Variants in SORCS3 observed in about 807,000 individuals in gnomAD.
The protein encoded by SORCS3 is VPS10 domain-containing receptor SorCS3.
SORCS3 carries 57 observed loss-of-function variants against 146.3 expected under a neutral mutation model. The ratio of observed to expected loss-of-function variants is 0.39; its 90% confidence interval spans 0.31 to 0.49. The LOEUF is 0.49. Ranked by LOEUF, SORCS3 falls within the 20% of genes least tolerant of loss-of-function variation. The pLI is 0.92. For missense variants in SORCS3, 1,341 were observed against 1,575.5 expected, an observed-to-expected ratio of 0.85 and a Z score of 2.52; for synonymous variants, 653 against 618.5, an observed-to-expected ratio of 1.06 and a Z score of -0.83.
At chr10:104,810,506 T>C (rs1455522633) in intron 1 of SORCS3, among the ~76,000 whole-genome samples, 1 of 152,248 alleles carries the variant, frequency 6.6e-6, no homozygotes, top group Non-Finnish European at 1.5e-5. Context: ...ATAATTTCAG[T>C]CTCATCATAT....
At chr10:105,099,934 A>C (rs7911325) in intron 6 of SORCS3, among the ~76,000 whole-genome samples, 4,378 of 152,280 alleles carry the variant, frequency 0.029, 123 homozygotes, top group East Asian at 0.17. Flanking sequence ...CTGGAACCTC[A>C]GGATGTGTCT....
intron 14 of SORCS3, among the ~76,000 whole-genome samples, chr10:105,186,312 A>G (rs2056476022): frequency 2.0e-5 from 3 of 152,200 alleles, no homozygotes; most frequent in Admixed American, 2.0e-4. Context: ...AAGATTGAGG[A>G]GGCTTGCAAC....
At chr10:105,116,323 A>T (rs183410791) in intron 7 of SORCS3, among the ~76,000 whole-genome samples, 2 of 152,288 alleles carry the variant, frequency 1.3e-5, no homozygotes, top group East Asian at 3.9e-4. Context: ...CCCAAGTAGG[A>T]TGCTTGCAAG....
At chr10:104,659,734 C>T (rs2015676789) in intron 1 of SORCS3, among the ~76,000 whole-genome samples, 2 of 152,094 alleles carry the variant, frequency 1.3e-5, no homozygotes, top group African/African-American at 2.4e-5. Flanking sequence ...AAGGGCTTGC[C>T]AAGGCGCCTG....
intron 1 of SORCS3, among the ~76,000 whole-genome samples, chr10:104,645,442 C>G (rs1036188963): frequency 1.3e-5 from 2 of 152,214 alleles, no homozygotes; most frequent in African/African-American, 4.8e-5. Flanking sequence ...CTCCACACCC[C>G]CTCCTTCTTG....
chr10:105,153,620 GGAGAGA>G (rs71022756), intron 9 of SORCS3, among the ~76,000 whole-genome samples: 2 of 139,228 alleles, frequency 1.4e-5, no homozygotes, highest in African/African-American at 5.6e-5. Flanking sequence ...CAGAGAGAGA[GGAGAGA>G]GAGAGAGAGT....
intron 1 of SORCS3, among the ~76,000 whole-genome samples, chr10:104,814,800 CA>C (rs2017778757): frequency 6.6e-6 from 1 of 152,214 alleles, no homozygotes; most frequent in Non-Finnish European, 1.5e-5. Flanking sequence ...TTATTTGCTT[CA>C]AGACCTATGC....
intron 7 of SORCS3, among the ~76,000 whole-genome samples, chr10:105,107,248 G>A (rs1250863398): frequency 6.6e-6 from 1 of 150,906 alleles, no homozygotes; most frequent in Non-Finnish European, 1.5e-5. Context: ...TTTCTGTAGT[G>A]TTTCCTTTTA....
At chr10:105,108,275 G>A (rs575882523) in intron 7 of SORCS3, among the ~76,000 whole-genome samples, 1 of 152,148 alleles carries the variant, frequency 6.6e-6, no homozygotes. Context: ...TGAAGATGGG[G>A]AGTGGGCAGT....
intron 1 of SORCS3, among the ~76,000 whole-genome samples, chr10:104,815,754 A>G (rs908124719): frequency 1.3e-5 from 2 of 152,176 alleles, no homozygotes; most frequent in African/African-American, 4.8e-5. Flanking sequence ...ATAAGATATA[A>G]TCTCATTAAT....
intron 1 of SORCS3, among the ~76,000 whole-genome samples, chr10:104,695,942 T>C (rs2016170180): frequency 6.9e-6 from 1 of 145,220 alleles, no homozygotes. Context: ...GATGTATATA[T>C]ATAATATATA....
chr10:104,831,177 A>G (rs1327299076), intron 1 of SORCS3, among the ~76,000 whole-genome samples: 1 of 152,188 alleles, frequency 6.6e-6, no homozygotes, highest in Admixed American at 6.5e-5. Context: ...CTATCAAGAA[A>G]GAGATTCATG....
intron 4 of SORCS3, among the ~76,000 whole-genome samples, chr10:105,030,110 G>GCTAGGA (rs1467799553): frequency 6.6e-6 from 1 of 152,204 alleles, no homozygotes; most frequent in African/African-American, 2.4e-5. Context: ...CATTGCTGAA[G>GCTAGGA]CTAGGAGTTG....
chr10:104,947,711 C>T (rs1027903999), intron 3 of SORCS3, among the ~76,000 whole-genome samples: 6 of 152,178 alleles, frequency 3.9e-5, no homozygotes, highest in African/African-American at 1.4e-4. Context: ...CAATCTCTGC[C>T]TCCCAGGTTC....
At chr10:104,948,676 G>T (rs1345637940) in intron 3 of SORCS3, among the ~76,000 whole-genome samples, 1 of 152,192 alleles carries the variant, frequency 6.6e-6, no homozygotes, top group Non-Finnish European at 1.5e-5. Flanking sequence ...GTGCTTTAAA[G>T]GGAAGGAACC....
chr10:104,735,520 C>T (rs2133455812), intron 1 of SORCS3, among the ~76,000 whole-genome samples: 1 of 118,626 alleles, frequency 8.4e-6, no homozygotes, highest in African/African-American at 3.2e-5. Flanking sequence ...AAGCTTGCTC[C>T]CCAATCCCCT....
chr10:104,903,340 T>A (rs1197887774), intron 2 of SORCS3, among the ~76,000 whole-genome samples: 2 of 152,160 alleles, frequency 1.3e-5, no homozygotes, highest in African/African-American at 4.8e-5. Flanking sequence ...AGAGTCTTGA[T>A]CCTTGACCTC....
chr10:104,729,252 A>G (rs141673122), intron 1 of SORCS3, among the ~76,000 whole-genome samples: 1 of 152,216 alleles, frequency 6.6e-6, no homozygotes, highest in South Asian at 2.1e-4. Context: ...ACACGTGTAT[A>G]TCCTACTTTC....
chr10:104,929,385 T>G (rs1156315986), intron 3 of SORCS3, among the ~76,000 whole-genome samples: 1 of 152,214 alleles, frequency 6.6e-6, no homozygotes, highest in Non-Finnish European at 1.5e-5. Context: ...TTTTCTATTC[T>G]GGGAGAAGGA....
Sources: allele counts gnomAD v4.1 joint callset (sites outside exome capture counted in the v4.1 genomes callset), GRCh38; gene constraint gnomAD v4.1.1; transcripts MANE v1.5; gene names NCBI Gene and HGNC (gene_info 2026-07-23, HGNC 2026-07-21).